SBF2: variants seen among roughly 807,000 people sequenced by gnomAD.
The protein encoded by SBF2 is SET binding factor 2, also known as myotubularin-related protein 13.
SBF2 carries 112 observed loss-of-function variants against 225.2 expected under a neutral mutation model. The ratio of observed to expected loss-of-function variants is 0.50; its 90% CI spans 0.43 to 0.58. The LOEUF is 0.58. Among genes scored for constraint, SBF2 ranks in the 20% least tolerant of loss-of-function variants. The probability of loss-of-function intolerance (pLI) is 0.00; values close to 1 mark genes in which losing one functional copy is unlikely to be tolerated. For synonymous variants in SBF2, 763 were observed against 773.3 expected, an observed-to-expected ratio of 0.99 and a Z score of 0.22; for missense variants, 1,996 against 2,206.2, an observed-to-expected ratio of 0.90 and a Z score of 1.91.
At chr11:10,176,661 T>G (rs1218935408) in intron 2 of SBF2, among the ~76,000 whole-genome samples, 1 of 152,160 alleles carries the variant, frequency 6.6e-6, no homozygotes, top group Non-Finnish European at 1.5e-5. Context: ...AATCTCTGAA[T>G]AGACCAATAA....
At chr11:10,157,024 G>T (rs540471526) in intron 2 of SBF2, among the ~76,000 whole-genome samples, 1 of 151,968 alleles carries the variant, frequency 6.6e-6, no homozygotes, top group South Asian at 2.1e-4. Flanking sequence ...ACTACACTAC[G>T]GGGCTACAGT....
intron 17 of SBF2, 76 bp from the exon 18 acceptor site, chr11:9,858,472 T>A (rs1265393214): frequency 2.1e-6 from 3 of 1,396,532 alleles, no homozygotes; most frequent in South Asian, 1.2e-5. Flanking sequence ...GGGGCCACAG[T>A]TAATCATAGA....
At chr11:10,248,314 A>C (rs1960005857) in intron 1 of SBF2, among the ~76,000 whole-genome samples, 1 of 152,258 alleles carries the variant, frequency 6.6e-6, no homozygotes. Flanking sequence ...GTGTTAAGTC[A>C]TGAAAGAATT....
chr11:9,808,520 A>AT (rs1853979666), intron 31 of SBF2: 1 of 432,406 alleles, frequency 2.3e-6, no homozygotes, highest in Non-Finnish European at 4.3e-6. Flanking sequence ...ATGCAGATTA[A>AT]TGTCTTAATG....
chr11:9,958,534 A>G (rs1866345681), intron 16 of SBF2: 1 of 159,764 alleles, frequency 6.3e-6, no homozygotes, highest in South Asian at 1.8e-4. Flanking sequence ...AATTTTTTGT[A>G]TTTTTAGTAG....
chr11:10,000,618 A>G (rs1316890256), intron 8 of SBF2, among the ~76,000 whole-genome samples: 4 of 152,238 alleles, frequency 2.6e-5, no homozygotes, highest in African/African-American at 4.8e-5. Context: ...ACTAATATCA[A>G]AAGTATAAAT....
At chr11:10,040,526 C>T (rs1949612997) in intron 3 of SBF2, among the ~76,000 whole-genome samples, 1 of 151,352 alleles carries the variant, frequency 6.6e-6, no homozygotes, top group African/African-American at 2.4e-5. Context: ...AAACTAAATG[C>T]AATATATGTA....
chr11:10,263,202 T>G (rs1385114941), intron 1 of SBF2, among the ~76,000 whole-genome samples: 1 of 151,986 alleles, frequency 6.6e-6, no homozygotes, highest in East Asian at 1.9e-4. Context: ...ATCAGCACAA[T>G]AAATCAACAT....
intron 32 of SBF2, among the ~76,000 whole-genome samples, chr11:9,805,865 C>T (rs1192038514): frequency 6.6e-6 from 1 of 152,188 alleles, no homozygotes; most frequent in Non-Finnish European, 1.5e-5. Flanking sequence ...TCGTGATCCA[C>T]CCACCTTGGC....
intron 26 of SBF2, among the ~76,000 whole-genome samples, chr11:9,833,961 G>A (rs531662491): frequency 3.3e-5 from 5 of 150,338 alleles, no homozygotes; most frequent in African/African-American, 9.8e-5. Flanking sequence ...GCAGAGACAG[G>A]GTTTCTCCAT....
At chr11:10,196,710 AATGTT>A (rs1417203663) in intron 1 of SBF2, among the ~76,000 whole-genome samples, 2 of 151,696 alleles carry the variant, frequency 1.3e-5, no homozygotes, top group Admixed American at 6.6e-5. Flanking sequence ...TTATAAAAGT[AATGTT>A]AAGTGCAGAA....
At chr11:9,822,219 G>C (rs1854794486) in intron 28 of SBF2, among the ~76,000 whole-genome samples, 1 of 150,688 alleles carries the variant, frequency 6.6e-6, no homozygotes, top group Non-Finnish European at 1.5e-5. Context: ...CACACAGTAA[G>C]TAGTGGGACT....
chr11:9,907,916 G>A (rs972038312), intron 16 of SBF2, among the ~76,000 whole-genome samples: 9 of 152,164 alleles, frequency 5.9e-5, no homozygotes, highest in African/African-American at 2.2e-4. Context: ...GCCTCTCAGA[G>A]GTTAAATTAT....
At chr11:10,161,030 T>C (rs532714473) in intron 2 of SBF2, among the ~76,000 whole-genome samples, 1 of 151,774 alleles carries the variant, frequency 6.6e-6, no homozygotes, top group African/African-American at 2.4e-5. Flanking sequence ...CTACTAAAAA[T>C]ACAAAAATTA....
chr11:10,144,355 G>A (rs1954793112), intron 2 of SBF2, among the ~76,000 whole-genome samples: 1 of 152,074 alleles, frequency 6.6e-6, no homozygotes, highest in Non-Finnish European at 1.5e-5. Context: ...CAAGCTGGTG[G>A]TGTGCACCTG....
chr11:10,035,039 G>A (rs957380602), intron 3 of SBF2, among the ~76,000 whole-genome samples: 32 of 152,084 alleles, frequency 2.1e-4, no homozygotes, highest in African/African-American at 7.7e-4. Flanking sequence ...ATCTCCGCTC[G>A]CTGCAAGCTC....
At chr11:10,227,669 C>T (rs1262390515) in intron 1 of SBF2, among the ~76,000 whole-genome samples, 1 of 152,116 alleles carries the variant, frequency 6.6e-6, no homozygotes, top group Non-Finnish European at 1.5e-5. Context: ...CTGTTCTGTT[C>T]CATTGGTCTA....
At chr11:9,865,527 T>C (rs1290100903) in intron 17 of SBF2, among the ~76,000 whole-genome samples, 1 of 150,278 alleles carries the variant, frequency 6.7e-6, no homozygotes, top group Non-Finnish European at 1.5e-5. Context: ...CTGTCTCTAC[T>C]AAAAACATAA....
intron 2 of SBF2, among the ~76,000 whole-genome samples, chr11:10,070,003 G>A (rs1256972412): frequency 6.6e-6 from 1 of 152,078 alleles, no homozygotes; most frequent in African/African-American, 2.4e-5. Context: ...TTGTTGATGG[G>A]GTTGTTTTTT....
Sources: gnomAD v4.1 joint callset for allele counts (sites outside exome capture counted in the v4.1 genomes callset) on GRCh38, gnomAD v4.1.1 for gene constraint, MANE v1.5 for transcripts, NCBI Gene and HGNC (gene_info 2026-07-23, HGNC 2026-07-21) for gene names.